RANGAP1: variants seen among roughly 807,000 people sequenced by gnomAD.
RANGAP1 encodes the protein Ran GTPase activating protein 1, also known as ran GTPase-activating protein 1.
In RANGAP1, 38 loss-of-function variants were observed where a neutral mutation model predicts 63.5. That is an observed-to-expected ratio of 0.60 (90% CI 0.46 to 0.78). The LOEUF (loss-of-function observed/expected upper bound fraction) is 0.78. RANGAP1 is among the 30% of genes least tolerant of loss of function. The probability of loss-of-function intolerance (pLI) is 0.00; values close to 1 mark genes in which losing one functional copy is unlikely to be tolerated. For synonymous variants in RANGAP1, 329 were observed against 310.5 expected, an observed-to-expected ratio of 1.06 and a Z score of -0.63; for missense variants, 630 against 740.3, an observed-to-expected ratio of 0.85 and a Z score of 1.73.
At chr22:41,278,852 T>TA (rs1194207003) in intron 2 of RANGAP1, among the ~76,000 whole-genome samples, 1 of 151,280 alleles carries the variant, frequency 6.6e-6, no homozygotes, top group Non-Finnish European at 1.5e-5. Flanking sequence ...AATACAAAAA[T>TA]AAGGGGCCGG....
At chr22:41,259,167 G>C (rs1185590297) in intron 6 of RANGAP1, among the ~76,000 whole-genome samples, 2 of 152,072 alleles carry the variant, frequency 1.3e-5, no homozygotes, top group East Asian at 3.9e-4. Context: ...ATCGGCCCCT[G>C]AGCTTTGGAG....
chr22:41,247,413 G>A (rs2033121753), intron 15 of RANGAP1, among the ~76,000 whole-genome samples: 1 of 151,946 alleles, frequency 6.6e-6, no homozygotes, highest in African/African-American at 2.4e-5. Context: ...GTACAGTCCT[G>A]GAATCATGGC....
At chr22:41,251,627 G>GAAAAA in intron 12 of RANGAP1, among the ~76,000 whole-genome samples, 1 of 112,760 alleles carries the variant, frequency 8.9e-6, no homozygotes, top group African/African-American at 3.2e-5. Flanking sequence ...CATTGTCTCA[G>GAAAAA]AAAAAAAAAA....
intron 3 of RANGAP1, among the ~76,000 whole-genome samples, chr22:41,271,408 A>C (rs6002308): frequency 4.0e-5 from 6 of 149,132 alleles, no homozygotes; most frequent in East Asian, 4.0e-4. Flanking sequence ...AAAAAAAAAA[A>C]CAAAAACGCC....
At chr22:41,263,674 T>C (rs2034300383) in intron 5 of RANGAP1, among the ~76,000 whole-genome samples, 1 of 152,210 alleles carries the variant, frequency 6.6e-6, no homozygotes, top group African/African-American at 2.4e-5. Context: ...CATGAGCCAC[T>C]GCACCACCGT....
At chr22:41,293,779 A>T in the RANGAP1 span, among the ~76,000 whole-genome samples, 7 of 83,652 alleles carry the variant, frequency 8.4e-5, no homozygotes, top group Non-Finnish European at 3.1e-5. Flanking sequence ...AAAAAAAAAA[A>T]AAGAAAAGAA....
At chr22:41,277,187 C>T (rs1013318044) in intron 2 of RANGAP1, among the ~76,000 whole-genome samples, 1 of 147,044 alleles carries the variant, frequency 6.8e-6, no homozygotes, top group Non-Finnish European at 1.5e-5. Flanking sequence ...ACGCCATTCT[C>T]CTGCCTCAGC....
chr22:41,294,585 G>A, the RANGAP1 span, among the ~76,000 whole-genome samples: 3 of 143,282 alleles, frequency 2.1e-5, no homozygotes, highest in Non-Finnish European at 3.0e-5. Flanking sequence ...CTGCCCAGCC[G>A]CCATCCCATC....
rs1302699712 is a variant in RANGAP1 at position 41,244,987 on chromosome 22, A to G, written c.*1616T>C. On this transcript the variant is annotated 3_prime_UTR_variant, in exon 16 of 16. Coordinates refer to ENST00000356244, the MANE Select transcript of RANGAP1 (RefSeq NM_002883.4). ...TGCTTATTCTAGATGCCTCATCTAAATGGAATCATATTTGTCCTTTTGTGT... is the reference window on the plus strand; with the variant it reads ...TGCTTATTCTAGATGCCTCATCTAAGTGGAATCATATTTGTCCTTTTGTGT... Among the ~76,000 whole-genome samples, 1 of 152,158 alleles carries G rather than the reference A, an allele frequency of 6.6e-6. No homozygotes were observed. Among genetic ancestry groups the G allele is most frequent in the Non-Finnish European group, 1.5e-5 (1 of 68,034 alleles).
chr22:41,299,459 G>C, the RANGAP1 span, among the ~76,000 whole-genome samples: 1 of 151,940 alleles, frequency 6.6e-6, no homozygotes, highest in Non-Finnish European at 1.5e-5. Flanking sequence ...TGTAGAGACA[G>C]GGTTTCACTA....
In RANGAP1 at chr22:41,252,938, C is replaced by A; in HGVS notation, c.1314G>T (p.Leu438=). ...SPPPADVSTF[L]AFPSPEKLLR... ...GCAGCTTCTCTGGAGAGGGAAAAGC[C>A]AGGAAGGTGGAGACGTCTGCAGGAG... The change falls in exon 12 of 16, where the codon CTG becomes CTT. Residue 438 remains leucine (L), a synonymous_variant. Coordinates refer to ENST00000356244, the MANE Select transcript of RANGAP1 (RefSeq NM_002883.4). The A allele has an allele frequency of 6.4e-7, 1 of 1,555,870 alleles. No homozygotes were observed. Among genetic ancestry groups the A allele is most frequent in the South Asian group, 1.2e-5 (1 of 84,720 alleles).
At chr22:41,301,088 AT>A in the RANGAP1 span, among the ~76,000 whole-genome samples, 3 of 152,042 alleles carry the variant, frequency 2.0e-5, no homozygotes, top group East Asian at 3.9e-4. Flanking sequence ...GTCATTCAAT[AT>A]TTTTTTTAAC....
rs1317427713 is a variant in RANGAP1 at position 41,246,216 on chromosome 22, T to C, written c.*387A>G. ...AGCACGCGGGCAACTCCCTGGGTTCTGGCTCCGCCAGGGAGCCGGGCCGGA... is the reference window on the plus strand; with the variant it reads ...AGCACGCGGGCAACTCCCTGGGTTCCGGCTCCGCCAGGGAGCCGGGCCGGA... On this transcript the variant is annotated 3_prime_UTR_variant, in exon 16 of 16. Transcript: ENST00000356244. 9.6e-6 allele frequency: 2 copies of C among 209,108 alleles called. No homozygotes were observed. The highest frequency in any genetic ancestry group is 2.0e-5 in the Non-Finnish European group (2 of 102,042). The allele number at this position is 209,108 out of a possible 1,614,324, so 13.0% of individuals were successfully genotyped here. A position where few individuals can be genotyped will look rare whatever the true frequency, so the allele number is the denominator to read the frequency against.
At chr22:41,256,378 G>T in intron 8 of RANGAP1, 88 bp from the exon 9 acceptor site, 1 of 1,335,098 alleles carries the variant, frequency 7.5e-7, no homozygotes, top group Non-Finnish European at 1.1e-6. Context: ...CCCAAGTGAG[G>T]ATATGGCAGG....
intron 14 of RANGAP1, 115 bp downstream of exon 14, chr22:41,249,614 G>C (rs1457239894): frequency 4.6e-6 from 7 of 1,525,396 alleles, no homozygotes; most frequent in Non-Finnish European, 6.3e-6. Flanking sequence ...TCGGGGCCCC[G>C]TGGGCGAGCC....
chr22:41,296,699 C>A, the RANGAP1 span, among the ~76,000 whole-genome samples: 3 of 150,720 alleles, frequency 2.0e-5, no homozygotes, highest in Non-Finnish European at 2.9e-5. Flanking sequence ...CATATAATAA[C>A]TCAGTCCTTG....
the RANGAP1 span, among the ~76,000 whole-genome samples, chr22:41,295,207 G>A: frequency 6.6e-6 from 1 of 151,652 alleles, no homozygotes; most frequent in Non-Finnish European, 1.5e-5. Context: ...GTGCCCAGCA[G>A]CTCATTGAGA....
Position 41,271,699 on chromosome 22 carries a change from A to C in RANGAP1, c.240+2901T>G, listed in dbSNP as rs865991075. Reference sequence around the variant, plus strand: ...CAGAGCGAGACTCCGTCTCAAAAAAAAAAAAAAAAGAGCTTGGGCTGACAC... The same window carrying C: ...CAGAGCGAGACTCCGTCTCAAAAAACAAAAAAAAAGAGCTTGGGCTGACAC... On this transcript the variant is annotated intron_variant, in intron 3 of 15. Transcript: ENST00000356244. Among the ~76,000 whole-genome samples the C allele has an allele frequency of 3.9e-4, 60 of 152,132 alleles. No individual in the cohort carries two copies. In the Middle Eastern group the frequency reaches 0.01, roughly 26 times the overall value.
chr22:41,298,159 C>T, the RANGAP1 span, among the ~76,000 whole-genome samples: 3 of 151,896 alleles, frequency 2.0e-5, no homozygotes, highest in East Asian at 2.0e-4. Context: ...TGCCTGGCCA[C>T]GCCCAGCTAA....
Sources: allele counts gnomAD v4.1 joint callset (sites outside exome capture counted in the v4.1 genomes callset), GRCh38; gene constraint gnomAD v4.1.1; transcripts MANE v1.5; gene names NCBI Gene and HGNC (gene_info 2026-07-23, HGNC 2026-07-21).